R3HDM1: variants seen among roughly 807,000 people sequenced by gnomAD.
R3HDM1 encodes the protein R3H domain containing 1, also known as R3H domain-containing protein 1.
A neutral mutation model predicts 141.1 loss-of-function variants in R3HDM1; 46 were observed. That is an observed-to-expected ratio of 0.33 (90% confidence interval 0.26 to 0.42). R3HDM1 has a LOEUF of 0.42. R3HDM1 is among the 10% of genes least tolerant of loss of function. R3HDM1 has a pLI of 1.00. For synonymous variants in R3HDM1, 435 were observed against 472.9 expected, an observed-to-expected ratio of 0.92 and a Z score of 1.04; for missense variants, 1,184 against 1,368.3, an observed-to-expected ratio of 0.87 and a Z score of 2.12.
At chr2:135,544,064 C>A (rs1698187016) in intron 1 of R3HDM1, among the ~76,000 whole-genome samples, 2 of 152,166 alleles carry the variant, frequency 1.3e-5, no homozygotes, top group African/African-American at 2.4e-5. Context: ...ATAATGACAT[C>A]TCCTTTTAGG....
At chr2:135,649,491 T>C (rs936533749) in intron 16 of R3HDM1, among the ~76,000 whole-genome samples, 2 of 152,162 alleles carry the variant, frequency 1.3e-5, no homozygotes, top group Non-Finnish European at 2.9e-5. Context: ...AAGTTTTTCA[T>C]TTATAATTTA....
At chr2:135,632,574 C>T (rs564423533) in intron 9 of R3HDM1, among the ~76,000 whole-genome samples, 11 of 152,214 alleles carry the variant, frequency 7.2e-5, no homozygotes, top group African/African-American at 2.4e-4. Context: ...TATAGTGTTA[C>T]GGAAGTAGAT....
chr2:135,690,592 C>CT (rs1322495448), intron 21 of R3HDM1, among the ~76,000 whole-genome samples: 3 of 151,978 alleles, frequency 2.0e-5, no homozygotes, highest in Non-Finnish European at 4.4e-5. Context: ...GTAGCACTAA[C>CT]AGAATAGATG....
At chr2:135,588,794 C>T (rs1372837891) in intron 1 of R3HDM1, among the ~76,000 whole-genome samples, 1 of 152,054 alleles carries the variant, frequency 6.6e-6, no homozygotes, top group East Asian at 1.9e-4. Context: ...GATAATACCC[C>T]ACTTCATAGT....
intron 16 of R3HDM1, 99 bp from the exon 17 acceptor site, chr2:135,649,803 T>C: frequency 1.7e-6 from 1 of 594,438 alleles, no homozygotes; most frequent in South Asian, 4.4e-5. Context: ...ATAAATGTAG[T>C]TAAAGCTATT....
At chr2:135,654,907 T>C (rs2105289062) in intron 18 of R3HDM1, among the ~76,000 whole-genome samples, 1 of 151,858 alleles carries the variant, frequency 6.6e-6, no homozygotes, top group South Asian at 2.1e-4. Context: ...TGTGTGTTTG[T>C]CTTTTTGTTA....
chr2:135,581,282 G>C (rs1209726699), intron 1 of R3HDM1: 1 of 985,286 alleles, frequency 1.0e-6, no homozygotes, highest in Non-Finnish European at 1.2e-6. Context: ...CTGTTTCCCT[G>C]TAGATCCACA....
chr2:135,670,932 A>G (rs1171716951), intron 19 of R3HDM1, among the ~76,000 whole-genome samples: 1 of 151,808 alleles, frequency 6.6e-6, no homozygotes, highest in Non-Finnish European at 1.5e-5. Flanking sequence ...GGTGGCGCGC[A>G]CCTGCAATTC....
chr2:135,684,738 A>G (rs1193442007), intron 21 of R3HDM1, among the ~76,000 whole-genome samples: 3 of 150,576 alleles, frequency 2.0e-5, no homozygotes, highest in Non-Finnish European at 4.4e-5. Context: ...TGAAATACAC[A>G]TTCTCTTGCG....
chr2:135,620,538 TAAGAA>T (rs2061429822), intron 5 of R3HDM1: 1 of 984,374 alleles, frequency 1.0e-6, no homozygotes, highest in Non-Finnish European at 1.2e-6. Context: ...TATGATGAAT[TAAGAA>T]GAAGAAAAGA....
intron 3 of R3HDM1, chr2:135,605,227 T>G: frequency 3.0e-6 from 1 of 328,978 alleles, no homozygotes; most frequent in Non-Finnish European, 5.5e-6. Flanking sequence ...TATTTGTATG[T>G]GGCTAGTGCA....
At chr2:135,571,972 C>T (rs1704213031) in intron 1 of R3HDM1, among the ~76,000 whole-genome samples, 1 of 151,956 alleles carries the variant, frequency 6.6e-6, no homozygotes, top group Non-Finnish European at 1.5e-5. Flanking sequence ...GAGACAGTGT[C>T]TCACTTCGTC....
At chr2:135,631,675 A>C (rs771356577) in intron 7 of R3HDM1, 43 bp from the exon 8 acceptor site, 2 of 1,471,198 alleles carry the variant, frequency 1.4e-6, no homozygotes, top group South Asian at 1.4e-5. Context: ...TGATTACTTC[A>C]TTGCTAAGTT....
chr2:135,691,578 C>CAG (rs577947337), intron 21 of R3HDM1, among the ~76,000 whole-genome samples: 417 of 152,002 alleles, frequency 2.7e-3, no homozygotes, highest in African/African-American at 9.1e-3. Context: ...TTCACTCCAA[C>CAG]AGAGAGAACC....
intron 1 of R3HDM1, among the ~76,000 whole-genome samples, chr2:135,544,931 C>G (rs558695787): frequency 7.9e-5 from 12 of 152,338 alleles, no homozygotes; most frequent in Admixed American, 4.6e-4. Context: ...TGCCACTGCA[C>G]TCCAGCCTGG....
chr2:135,577,838 CAAAAAAAA>C (rs541600763), intron 1 of R3HDM1, among the ~76,000 whole-genome samples: 26 of 62,890 alleles, frequency 4.1e-4, no homozygotes, highest in Admixed American at 2.7e-3. Flanking sequence ...AACTTCATCT[CAAAAAAAA>C]AAAAAAAAAA....
chr2:135,565,209 A>G (rs1436543898), intron 1 of R3HDM1, among the ~76,000 whole-genome samples: 4 of 152,032 alleles, frequency 2.6e-5, no homozygotes, highest in Non-Finnish European at 5.9e-5. Context: ...CATACTGGTA[A>G]ACTGACCTCC....
At chr2:135,630,281 C>CAAAAAAAAAAAAAAAAAAAAAAA (rs911009655) in intron 7 of R3HDM1, among the ~76,000 whole-genome samples, 4 of 39,300 alleles carry the variant, frequency 1.0e-4, no homozygotes, top group African/African-American at 2.8e-4. Flanking sequence ...CCTTCTCAAC[C>CAAAAAAAAAAAAAAAAAAAAAAA]AAAAAAAAAA....
chr2:135,550,146 A>T, intron 1 of R3HDM1: 1 of 983,534 alleles, frequency 1.0e-6, no homozygotes, highest in Non-Finnish European at 1.2e-6. Context: ...TTGTCATTCT[A>T]TGTTACACGA....
Sources: gnomAD v4.1 joint callset for allele counts (sites outside exome capture counted in the v4.1 genomes callset) on GRCh38, gnomAD v4.1.1 for gene constraint, MANE v1.5 for transcripts, NCBI Gene and HGNC (gene_info 2026-07-23, HGNC 2026-07-21) for gene names.